The following NEMP2 variants were observed in gnomAD, a reference collection of about 807,000 sequenced individuals.
The protein encoded by NEMP2 is nuclear envelope integral membrane protein 2.
NEMP2 carries 53 observed loss-of-function variants against 54.2 expected under a neutral mutation model. That is an observed-to-expected ratio of 0.98 (90% CI 0.78 to 1.23). The LOEUF is 1.23. Among genes scored for constraint, NEMP2 ranks in the 50% most tolerant of loss-of-function variants. The probability of loss-of-function intolerance (pLI) is 0.00; values close to 1 mark genes in which losing one functional copy is unlikely to be tolerated. For synonymous variants in NEMP2, 197 were observed against 190.3 expected (o/e 1.04, Z -0.29); for missense variants, 455 against 511.3 (o/e 0.89, Z 1.06).
upstream of NEMP2, among the ~76,000 whole-genome samples, chr2:190,536,716 A>G (rs2125367277): frequency 6.6e-6 from 1 of 152,314 alleles, no homozygotes; most frequent in African/African-American, 2.4e-5. Flanking sequence ...TGAGTGAGGG[A>G]CACTGAGAAA....
chr2:190,556,113 A>G, the NEMP2 span, among the ~76,000 whole-genome samples: 1 of 152,250 alleles, frequency 6.6e-6, no homozygotes, highest in African/African-American at 2.4e-5. Context: ...GCAGCACATC[A>G]AGAAGCTTAT....
At chr2:190,445,682 C>A in the NEMP2 span, among the ~76,000 whole-genome samples, 1 of 152,206 alleles carries the variant, frequency 6.6e-6, no homozygotes, top group Non-Finnish European at 1.5e-5. Context: ...AACATAAGGT[C>A]TTTTTCCTCT....
chr2:190,551,288 T>G, the NEMP2 span, among the ~76,000 whole-genome samples: 1 of 151,948 alleles, frequency 6.6e-6, no homozygotes, highest in Non-Finnish European at 1.5e-5. Context: ...ATTCTGGTTA[T>G]TTGTGGTTGA....
chr2:190,534,589 G>T lies in NEMP2; in HGVS notation c.67C>A (p.Arg23Ser). The T allele has an allele frequency of 5.0e-6, 7 of 1,396,198 alleles. No homozygotes were observed. Among genetic ancestry groups the T allele is most frequent in the Non-Finnish European group, 6.5e-6 (7 of 1,080,402 alleles). 86.5% of individuals were successfully genotyped at this position (1,396,198 alleles called of 1,614,324 possible). Residue 23 changes from arginine to serine, a missense_variant, in exon 1 of 9, where the codon CGC (arginine) becomes AGC (serine). Arg to Ser is a moderately radical substitution (Grantham distance 110). This residue lies in a region of NEMP2 where 100 missense variants were observed against 80.2 expected (regional missense o/e 1.25). Coordinates refer to ENST00000409150, the MANE Select transcript of NEMP2 (RefSeq NM_001142645.2). ...WLPPLATLPV[R>S]GEAAAAALSV... ...AACGCTGCCGCCGCCGCCTCCCCGC[G>T]CACGGGCAGTGTGGCCAGGGGCGGC...
the NEMP2 span, among the ~76,000 whole-genome samples, chr2:190,457,087 T>C: frequency 6.6e-6 from 1 of 152,250 alleles, no homozygotes; most frequent in Non-Finnish European, 1.5e-5. The surrounding 1 kb of genome is among the most constrained non-coding windows in gnomAD (Gnocchi z 5.1). Flanking sequence ...CCGTTTCTTA[T>C]GGTCCAATCC....
the NEMP2 span, among the ~76,000 whole-genome samples, chr2:190,614,860 C>T: frequency 6.6e-6 from 1 of 152,176 alleles, no homozygotes; most frequent in African/African-American, 2.4e-5. The surrounding 1 kb of genome is among the most constrained non-coding windows in gnomAD (Gnocchi z 5.7). Context: ...AGCATACAAC[C>T]CAGTTAACTC....
At chr2:190,579,420 G>A in the NEMP2 span, among the ~76,000 whole-genome samples, 1 of 152,014 alleles carries the variant, frequency 6.6e-6, no homozygotes, top group Non-Finnish European at 1.5e-5. Context: ...AAGATGACCA[G>A]TTGTAGGGTG....
chr2:190,512,986 T>C lies in NEMP2; in HGVS notation c.953+1467A>G, dbSNP rs1690421612. On this transcript the variant is annotated intron_variant, in intron 7 of 8. Coordinates refer to ENST00000409150, the MANE Select transcript of NEMP2 (RefSeq NM_001142645.2). This position sits in a 1 kb window ranked among gnomAD's most constrained non-coding sequence, Gnocchi z 4.5. The stretch of plus-strand genomic sequence containing the variant: ...CTTCCTCACAGCCAATTTTACCTCT[T>C]GAACATTTATTCACTCCCTCTTCTA... Among the ~76,000 whole-genome samples the C allele has an allele frequency of 6.6e-6, 1 of 152,180 alleles. No homozygotes were observed.
chr2:190,561,983 C>T, the NEMP2 span, among the ~76,000 whole-genome samples: 1 of 151,950 alleles, frequency 6.6e-6, no homozygotes, highest in Non-Finnish European at 1.5e-5. The surrounding 1 kb of genome is among the most constrained non-coding windows in gnomAD (Gnocchi z 5.4). Context: ...TTTCATCTTG[C>T]CCTTGACTGG....
chr2:190,532,850 A>C (rs1307594863), intron 1 of NEMP2, among the ~76,000 whole-genome samples: 1 of 152,204 alleles, frequency 6.6e-6, no homozygotes, highest in Non-Finnish European at 1.5e-5. Flanking sequence ...TGGGCGCTTC[A>C]CAGTCCGTAT....
At chr2:190,584,033 C>T in the NEMP2 span, among the ~76,000 whole-genome samples, 2 of 152,112 alleles carry the variant, frequency 1.3e-5, no homozygotes, top group Non-Finnish European at 2.9e-5. The surrounding 1 kb of genome is among the most constrained non-coding windows in gnomAD (Gnocchi z 4.2). Flanking sequence ...CAGGAGTAAG[C>T]TAGCAGTAGT....
rs867159506 is a variant in NEMP2 at position 190,531,535 on chromosome 2, G to C, written c.97+3024C>G. Among the ~76,000 whole-genome samples the C allele has an allele frequency of 1.4e-4, 21 of 152,302 alleles. No homozygotes were observed. The highest frequency in any genetic ancestry group is 3.3e-4 in the Admixed American group (5 of 15,304). On this transcript the variant is annotated intron_variant, in intron 1 of 8. Coordinates refer to ENST00000409150, the MANE Select transcript of NEMP2 (RefSeq NM_001142645.2). The surrounding 1 kb of genome is among the most constrained non-coding windows in gnomAD (Gnocchi z 4.7). ...GTGCCCAAATTTCTAAGATGTTACA[G>C]GAGGCATTAATTATTTACATTACCA...
At chr2:190,500,065 C>G, downstream of NEMP2, 1 of 1,614,238 alleles carries the variant, frequency 6.2e-7, no homozygotes. The surrounding 1 kb of genome is among the most constrained non-coding windows in gnomAD (Gnocchi z 5.3). Context: ...CCCAGCCTGT[C>G]CCATGTGAGA....
At chr2:190,646,941 C>G in the NEMP2 span, 1 of 152,122 alleles carries the variant, frequency 6.6e-6, no homozygotes, top group African/African-American at 2.4e-5. Flanking sequence ...GCTTTCAGAA[C>G]CAAGAGTGTT....
rs748517117 is a variant in NEMP2, at chr2:190,514,525, T to C, written c.881A>G (p.Tyr294Cys). The C allele has an allele frequency of 7.7e-6, 12 of 1,551,694 alleles. No homozygotes were observed. The highest frequency in any genetic ancestry group is 2.4e-5 in the East Asian group (1 of 40,924). Residue 294 changes from tyrosine to cysteine, a missense_variant, in exon 7 of 9, where the codon TAT becomes TGT. Coordinates refer to ENST00000409150, the MANE Select transcript of NEMP2 (RefSeq NM_001142645.2). This position sits in a 1 kb window ranked among gnomAD's most constrained non-coding sequence, Gnocchi z 5.7. ...YAGVAVPQFA[Y>C]AAIILLMSSW... is the part of the protein sequence containing the mutation. ...GGACATGAGGAGGATTATGGCTGCATAGGCAAACTGAGGCACGGCCACACC... is the reference window on the plus strand; with the variant it reads ...GGACATGAGGAGGATTATGGCTGCACAGGCAAACTGAGGCACGGCCACACC...
chr2:190,589,426 A>C, the NEMP2 span, among the ~76,000 whole-genome samples: 1 of 152,182 alleles, frequency 6.6e-6, no homozygotes, highest in African/African-American at 2.4e-5. The surrounding 1 kb of genome is among the most constrained non-coding windows in gnomAD (Gnocchi z 4.3). Context: ...AAGCTTCACT[A>C]GTCAAATGTG....
chr2:190,439,055 G>C, the NEMP2 span, among the ~76,000 whole-genome samples: 2 of 152,066 alleles, frequency 1.3e-5, no homozygotes, highest in African/African-American at 4.8e-5. The surrounding 1 kb of genome is among the most constrained non-coding windows in gnomAD (Gnocchi z 5.8). Context: ...TTCTGAAAGA[G>C]AGCCCACATA....
At position 190,517,570 on chromosome 2, in the gene NEMP2, G is replaced by T. The variant is rs1410437053; in HGVS notation, c.562C>A (p.Leu188Ile). Reference sequence around the variant, plus strand: ...AGCAAGACAAAGACTAATGTCATTAGAACACCTAGCACAGTTCCCGAGGAG... The same window carrying T: ...AGCAAGACAAAGACTAATGTCATTATAACACCTAGCACAGTTCCCGAGGAG... The part of the protein sequence containing the change: ...YYSSGTVLGV[L>I]MTLVFVLLLV... Residue 188 changes from leucine (L) to isoleucine (I), a missense_variant, in exon 5 of 9, where the codon CTA becomes ATA. Transcript: ENST00000409150. 2.6e-6 allele frequency: 4 copies of T among 1,550,616 alleles called. No individual in the cohort carries two copies. The highest frequency in any genetic ancestry group is 1.4e-5 in the African/African-American group (1 of 72,930).
At chr2:190,484,801 C>T in the NEMP2 span, among the ~76,000 whole-genome samples, 19 of 152,240 alleles carry the variant, frequency 1.2e-4, no homozygotes, top group South Asian at 8.3e-4. Context: ...TTCACTTATA[C>T]GATATCTTAA....
Sources: allele counts gnomAD v4.1 joint callset (sites outside exome capture counted in the v4.1 genomes callset), GRCh38; gene constraint gnomAD v4.1.1; regional missense constraint gnomAD v4.1.1; non-coding constraint Gnocchi (gnomAD v3.1); transcripts MANE v1.5; gene names NCBI Gene and HGNC (gene_info 2026-07-23, HGNC 2026-07-21).